EIF4ENIF1: variants seen among roughly 807,000 people sequenced by gnomAD.
EIF4ENIF1 encodes eukaryotic translation initiation factor 4E transporter.
EIF4ENIF1 carries 23 observed loss-of-function variants against 110.5 expected under a neutral mutation model. The observed-to-expected ratio is 0.21, with a 90% CI of 0.15 to 0.29. The LOEUF is 0.29. EIF4ENIF1 is among the 10% of genes least tolerant of loss of function. The pLI is 1.00. For missense variants in EIF4ENIF1, 1,031 were observed against 1,221.1 expected (o/e 0.84, Z 2.32); for synonymous variants, 440 against 437.0 (o/e 1.01, Z -0.09).
intron 2 of EIF4ENIF1, among the ~76,000 whole-genome samples, chr22:31,478,515 CA>C (rs35883412): frequency 9.1e-4 from 80 of 87,692 alleles, no homozygotes; most frequent in African/African-American, 3.0e-3. Flanking sequence ...GACTCTGTCT[CA>C]AAAAAAAAAA....
Position 31,440,137 on chromosome 22 carries a change from G to C in EIF4ENIF1, c.2717-16C>G. Reference sequence around the variant, plus strand: ...GGATGCAGAACTGTGGAGATAAGAAGGGTTATCATTCACAGCATGAGAAGG... The same window carrying C: ...GGATGCAGAACTGTGGAGATAAGAACGGTTATCATTCACAGCATGAGAAGG... On this transcript the variant is annotated splice_polypyrimidine_tract_variant and intron_variant, in intron 18 of 18. Coordinates refer to ENST00000330125, the MANE Select transcript of EIF4ENIF1 (RefSeq NM_019843.4). 3.7e-6 allele frequency: 6 copies of C among 1,614,052 alleles called. No individual in the cohort carries two copies. Among genetic ancestry groups the C allele is most frequent in the Non-Finnish European group, 5.1e-6 (6 of 1,179,982 alleles).
chr22:31,450,421 T>C (rs908414269), intron 10 of EIF4ENIF1, 61 bp from the exon 11 acceptor site: 1 of 1,353,376 alleles, frequency 7.4e-7, no homozygotes, highest in Non-Finnish European at 1.1e-6. Flanking sequence ...TACAGATTGA[T>C]TGGGGACCAC....
intron 11 of EIF4ENIF1, among the ~76,000 whole-genome samples, chr22:31,450,080 C>T (rs933889706): frequency 1.1e-4 from 14 of 129,880 alleles, no homozygotes; most frequent in Non-Finnish European, 2.4e-4. Flanking sequence ...GAAGTCAAGG[C>T]TTACTTTGTC....
intron 13 of EIF4ENIF1, 124 bp downstream of exon 13, chr22:31,448,029 A>C: frequency 9.5e-7 from 1 of 1,049,394 alleles, no homozygotes; most frequent in Non-Finnish European, 1.5e-6. Context: ...GATTACGGGC[A>C]TGAGCCACTA....
intron 2 of EIF4ENIF1, among the ~76,000 whole-genome samples, chr22:31,481,883 C>T (rs143011574): frequency 5.7e-4 from 87 of 152,202 alleles, no homozygotes; most frequent in African/African-American, 1.9e-3. Flanking sequence ...GAGGAGTCCA[C>T]ATGGGGCCAG....
At chr22:31,445,947 C>CT (rs1569066664) in intron 14 of EIF4ENIF1, among the ~76,000 whole-genome samples, 1 of 141,256 alleles carries the variant, frequency 7.1e-6, no homozygotes. Flanking sequence ...AATGCAGTTA[C>CT]GTACCGCCCC....
intron 14 of EIF4ENIF1, among the ~76,000 whole-genome samples, chr22:31,445,968 C>G (rs910547920): frequency 6.5e-5 from 9 of 138,336 alleles, no homozygotes; most frequent in African/African-American, 2.2e-4. Context: ...CCCCCCCCAT[C>G]TACCTCACAG....
At chr22:31,459,765 T>TTTAC (rs2050935510) in intron 6 of EIF4ENIF1, among the ~76,000 whole-genome samples, 1 of 152,264 alleles carries the variant, frequency 6.6e-6, no homozygotes, top group African/African-American at 2.4e-5. Flanking sequence ...TTTTTATTTA[T>TTTAC]TTTAAATACA....
chr22:31,460,770 C>T (rs980364005), intron 6 of EIF4ENIF1, among the ~76,000 whole-genome samples: 6 of 151,960 alleles, frequency 3.9e-5, no homozygotes, highest in Non-Finnish European at 8.8e-5. Context: ...CATAGTGAAA[C>T]CCCATCTCTA....
At chr22:31,454,814 C>A (rs1023699287) in intron 9 of EIF4ENIF1, among the ~76,000 whole-genome samples, 1 of 152,100 alleles carries the variant, frequency 6.6e-6, no homozygotes, top group Non-Finnish European at 1.5e-5. Flanking sequence ...AAGACTAGGG[C>A]AGATTTGTGA....
downstream of EIF4ENIF1, chr22:31,437,475 C>T (rs964936745): frequency 7.5e-6 from 1 of 134,022 alleles, no homozygotes. Context: ...CCCGCTTCCT[C>T]TAGTCCTTGT....
In EIF4ENIF1 at chr22:31,462,953, G is replaced by C. The variant is rs567771958; in HGVS notation, c.766C>G (p.Arg256Gly). The change falls in exon 6 of 19, where the codon CGG (arginine) becomes GGG (glycine). Residue 256 changes from arginine (R) to glycine (G), a missense_variant. By Grantham distance (125) the Arg-to-Gly change is moderately radical. Around this residue, in one of 3 missense-constraint regions of EIF4ENIF1, gnomAD observed 704 missense variants for 879.7 expected, o/e 0.80. Transcript: ENST00000330125. ...DHKGRKRTRR[R>G]TASVKEGIVE... ...TGACCTTCCTTCACAGAGGCTGTCC[G>C]TCGCCTTGTTCTTTTTCTCCCTTTG... 3.1e-6 allele frequency: 5 copies of C among 1,613,840 alleles called. No individual in the cohort carries two copies. The highest frequency in any genetic ancestry group is 2.7e-5 in the African/African-American group (2 of 75,014).
chr22:31,463,623 G>A (rs2051070369), intron 5 of EIF4ENIF1, 58 bp downstream of exon 5: 9 of 1,457,282 alleles, frequency 6.2e-6, no homozygotes, highest in Non-Finnish European at 8.1e-6. Context: ...TCCAGCCTGG[G>A]CAACAAGAGC....
In EIF4ENIF1 at chr22:31,456,444, C is replaced by T. The variant is rs193027580; in HGVS notation, c.964-457G>A. On this transcript the variant is annotated intron_variant, in intron 7 of 18. Transcript: ENST00000330125. ...TTTACCGTGTTAGCCAGGATGGTCT[C>T]GATCTCCTGACCTTGTGATCCGCCC... 5.4e-3 allele frequency among the ~76,000 whole-genome samples: 826 copies of T among 152,004 alleles called. 3 individuals are homozygous for T. The highest frequency in any genetic ancestry group is 0.017 in the African/African-American group (708 of 41,434).
Position 31,458,644 on chromosome 22 carries a change from A to G in EIF4ENIF1, c.794T>C (p.Val265Ala), listed in dbSNP as rs554606272. The G allele has an allele frequency of 5.7e-6, 9 of 1,581,072 alleles. 1 individual carries two copies. The highest frequency in any genetic ancestry group is 1.8e-4 in the Middle Eastern group (1 of 5,458). The change falls in exon 7 of 19, where the codon GTA becomes GCA. Residue 265 changes from valine to alanine, a missense_variant. Val to Ala is a moderately conservative substitution (Grantham distance 64). Around this residue, in one of 3 missense-constraint regions of EIF4ENIF1, gnomAD observed 704 missense variants for 879.7 expected, o/e 0.80. Transcript: ENST00000330125. ...TTCGGCCACTCCTCCATTGCACTCT[A>G]CTATACCTGAAAGCAAAACCAGGAC... ...RRTASVKEGI[V>A]ECNGGVAEED...
intron 14 of EIF4ENIF1, among the ~76,000 whole-genome samples, chr22:31,446,692 G>A (rs1360664206): frequency 6.6e-6 from 1 of 152,162 alleles, no homozygotes; most frequent in East Asian, 1.9e-4. Context: ...AGGAGGAAAA[G>A]GGGTATTACT....
intron 3 of EIF4ENIF1, among the ~76,000 whole-genome samples, chr22:31,469,746 G>A (rs2051300285): frequency 6.6e-6 from 1 of 152,168 alleles, no homozygotes; most frequent in African/African-American, 2.4e-5. Context: ...AGGCTGGAAT[G>A]CAGTGGCATG....
At chr22:31,438,994 A>G (rs2050215865), downstream of EIF4ENIF1, among the ~76,000 whole-genome samples, 2 of 152,230 alleles carry the variant, frequency 1.3e-5, no homozygotes, top group Non-Finnish European at 2.9e-5. Context: ...TGCTGAGATT[A>G]CAGGCGTGAG....
rs191122839 is a variant in EIF4ENIF1 at position 31,449,747 on chromosome 22, T to C, written c.1585-216A>G. Reference sequence around the variant, plus strand: ...AAATAGAGGTTCCTTTTTTTTTTTTTTGAGACAGAGTCTCACTCTATCACC... The same window carrying C: ...AAATAGAGGTTCCTTTTTTTTTTTTCTGAGACAGAGTCTCACTCTATCACC... On this transcript the variant is annotated intron_variant, in intron 11 of 18. Coordinates refer to ENST00000330125, the MANE Select transcript of EIF4ENIF1 (RefSeq NM_019843.4). Among the ~76,000 whole-genome samples, 664 of 151,910 alleles carry C rather than the reference T, an allele frequency of 4.4e-3. 2 individuals are homozygous for C. Among genetic ancestry groups the C allele is most frequent in the Non-Finnish European group, 7.5e-3 (512 of 67,914 alleles).
Sources: gnomAD v4.1 joint callset for allele counts (sites outside exome capture counted in the v4.1 genomes callset) on GRCh38, gnomAD v4.1.1 for gene constraint, gnomAD v4.1.1 regional missense constraint, MANE v1.5 for transcripts, NCBI Gene and HGNC (gene_info 2026-07-23, HGNC 2026-07-21) for gene names.